ABCB1: variants seen among roughly 807,000 people sequenced by gnomAD.
ABCB1 encodes the protein ATP-dependent translocase ABCB1.
ABCB1 carries 69 observed loss-of-function variants against 142.0 expected under a neutral mutation model. The observed-to-expected ratio is 0.49, with a 90% CI of 0.40 to 0.59. The LOEUF (loss-of-function observed/expected upper bound fraction) is 0.59. Ranked by LOEUF, ABCB1 falls within the 20% of genes least tolerant of loss-of-function variation. The probability of loss-of-function intolerance (pLI) is 0.00; values close to 1 mark genes in which losing one functional copy is unlikely to be tolerated. For missense variants in ABCB1, 1,326 were observed against 1,554.7 expected (o/e 0.85, Z 2.47); for synonymous variants, 532 against 539.2 (o/e 0.99, Z 0.18).
chr7:87,519,604 C>G (rs1254080311), intron 22 of ABCB1, 138 bp from the exon 23 acceptor site: 3 of 953,170 alleles, frequency 3.1e-6, no homozygotes, highest in Non-Finnish European at 4.9e-6. Flanking sequence ...AAGTTTGGTC[C>G]TCACTTTACA....
chr7:87,565,559 T>G (rs1177923223), intron 7 of ABCB1: 16 of 408,438 alleles, frequency 3.9e-5, no homozygotes, highest in African/African-American at 2.1e-4. Context: ...AACCAAAAAT[T>G]TAACTGTGTT....
chr7:87,700,779 G>C (rs1828962202), intron 1 of ABCB1, among the ~76,000 whole-genome samples: 1 of 152,060 alleles, frequency 6.6e-6, no homozygotes, highest in Admixed American at 6.5e-5. Flanking sequence ...TTCTTTAATG[G>C]GTACAAAATG....
chr7:87,665,275 T>C (rs1825111691), intron 1 of ABCB1, among the ~76,000 whole-genome samples: 1 of 152,096 alleles, frequency 6.6e-6, no homozygotes, highest in Admixed American at 6.6e-5. Flanking sequence ...CAAAAATAAG[T>C]TACATTTTTA....
intron 1 of ABCB1, among the ~76,000 whole-genome samples, chr7:87,671,845 A>G (rs1476635236): frequency 1.3e-5 from 2 of 152,174 alleles, no homozygotes; most frequent in East Asian, 3.9e-4. Flanking sequence ...AACAGCAAAG[A>G]TGGTGCCTGC....
At chr7:87,676,145 T>G (rs564642515) in intron 1 of ABCB1, among the ~76,000 whole-genome samples, 45 of 152,258 alleles carry the variant, frequency 3.0e-4, no homozygotes, top group Non-Finnish European at 5.4e-4. Context: ...GAGGGTTGGT[T>G]GAACCCAGGA....
chr7:87,663,798 T>C lies in ABCB1; in HGVS notation c.-331+49363A>G, dbSNP rs535062282. The stretch of plus-strand genomic sequence containing the variant: ...GGATGAGAAGTCCAAGATCAAGATA[T>C]TGGCTGATTTGCTTTCTGGCAAGCA... On this transcript the variant is annotated intron_variant, in intron 1 of 28. Transcript: ENST00000265724. 3.9e-5 allele frequency among the ~76,000 whole-genome samples: 6 copies of C among 152,242 alleles called. No individual in the cohort carries two copies. The East Asian group carries it at 9.7e-4, about 25-fold the overall frequency.
intron 1 of ABCB1, among the ~76,000 whole-genome samples, chr7:87,697,895 C>T (rs1828637573): frequency 6.6e-6 from 1 of 152,064 alleles, no homozygotes; most frequent in Non-Finnish European, 1.5e-5. Flanking sequence ...ATGTTCTTAA[C>T]CACCAGTCAC....
chr7:87,505,855 A>T, intron 27 of ABCB1, 42 bp downstream of exon 27: 1 of 1,611,116 alleles, frequency 6.2e-7, no homozygotes, highest in Non-Finnish European at 8.5e-7. Flanking sequence ...ATTTTTAAGG[A>T]TGACTGATTC....
intron 1 of ABCB1, among the ~76,000 whole-genome samples, chr7:87,655,547 G>T (rs907419082): frequency 1.3e-5 from 2 of 152,128 alleles, no homozygotes; most frequent in Non-Finnish European, 2.9e-5. Context: ...GAGTAGAATG[G>T]TGGTTACCGT....
chr7:87,589,431 C>T (rs181270788), intron 3 of ABCB1, among the ~76,000 whole-genome samples: 1 of 152,134 alleles, frequency 6.6e-6, no homozygotes, highest in African/African-American at 2.4e-5. Flanking sequence ...GACCAAAAAA[C>T]GTTGTAACAC....
At chr7:87,688,157 A>G (rs1369801162) in intron 1 of ABCB1, among the ~76,000 whole-genome samples, 1 of 152,168 alleles carries the variant, frequency 6.6e-6, no homozygotes, top group East Asian at 1.9e-4. Context: ...AATTCAGGAA[A>G]GGTGAAGCAG....
rs1419215459 is a variant in ABCB1, at chr7:87,520,946, AACAG to A, written c.2686-74_2686-71del. 3.2e-5 allele frequency: 36 copies of A among 1,139,946 alleles called. No homozygotes were observed. The East Asian group carries it at 8.7e-4, about 27-fold the overall frequency. The allele number at this position is 1,139,946 out of a possible 1,614,324, so 70.6% of individuals were successfully genotyped here. On this transcript the variant is annotated intron_variant, in intron 21 of 27. Coordinates refer to ENST00000622132, the MANE Select transcript of ABCB1 (RefSeq NM_001348946.2). ...GTGGTGATTAATTTGAATTCTATAA[AACAG>A]ACTAATGAAAATAATTTTATGATTA...
At chr7:87,682,577 T>C (rs904547328) in intron 1 of ABCB1, among the ~76,000 whole-genome samples, 6 of 152,194 alleles carry the variant, frequency 3.9e-5, no homozygotes, top group African/African-American at 1.4e-4. Flanking sequence ...AGTTCTTGGG[T>C]GACTAGGTGC....
At chr7:87,553,202 G>A (rs78797767) in intron 9 of ABCB1, among the ~76,000 whole-genome samples, 3 of 151,834 alleles carry the variant, frequency 2.0e-5, no homozygotes, top group African/African-American at 7.3e-5. Context: ...ATGCTATTGA[G>A]ATTGCTAACG....
chr7:87,597,481 G>GA (rs968403581), intron 2 of ABCB1, among the ~76,000 whole-genome samples: 15 of 149,330 alleles, frequency 1.0e-4, no homozygotes, highest in African/African-American at 1.5e-4. Context: ...TCTCTAATTT[G>GA]AAAAAAAAAG....
In ABCB1 at chr7:87,541,435, T is replaced by C. The variant is rs201302701; in HGVS notation, c.2241A>G (p.Thr747=). 6.2e-7 allele frequency: 1 copy of C among 1,609,388 alleles called. No homozygotes were observed. The highest frequency in any genetic ancestry group is 2.2e-5 in the East Asian group (1 of 44,850). The change falls in exon 18 of 28, where the codon ACA becomes ACG. Residue 747 remains threonine, a synonymous_variant. Transcript: ENST00000622132. ...GVFTRIDDPE[T]KRQNSNLFSL... ...AAAACAAGTTACTATTCTGTCGTTTTGTTTCAGGATCATCAATTCTTGTAA... is the reference window on the plus strand; with the variant it reads ...AAAACAAGTTACTATTCTGTCGTTTCGTTTCAGGATCATCAATTCTTGTAA...
chr7:87,645,392 C>T (rs1382914084), intron 1 of ABCB1, among the ~76,000 whole-genome samples: 4 of 152,030 alleles, frequency 2.6e-5, no homozygotes, highest in Admixed American at 6.6e-5. Flanking sequence ...CCCATTGTTT[C>T]TCATTTCTAA....
rs745613481 is a variant in ABCB1, at chr7:87,509,298, C to T, written c.3466G>A (p.Ala1156Thr). The change falls in exon 26 of 28, where the codon GCC becomes ACC. Residue 1156 changes from alanine (A) to threonine (T), a missense_variant. Transcript: ENST00000622132. ...ACATTAGGCAGTGACTCGATGAAGG[C>T]ATGTATGTTGGCCTCCTTTGCTGCC... The part of the protein sequence containing the change: ...VRAAKEANIH[A>T]FIESLPNKYS... The T allele has an allele frequency of 6.2e-7, 1 of 1,614,066 alleles. No individual in the cohort carries two copies. Among genetic ancestry groups the T allele is most frequent in the Non-Finnish European group, 8.5e-7 (1 of 1,180,046 alleles).
chr7:87,504,514 A>G (rs1372705130), intron 27 of ABCB1, 65 bp from the exon 28 acceptor site: 12 of 1,591,794 alleles, frequency 7.5e-6, no homozygotes, highest in Non-Finnish European at 9.4e-6. Context: ...CTTCCATAAA[A>G]AGCTCCACAG....
Sources: allele counts gnomAD v4.1 joint callset (sites outside exome capture counted in the v4.1 genomes callset), GRCh38; gene constraint gnomAD v4.1.1; transcripts MANE v1.5; gene names NCBI Gene and HGNC (gene_info 2026-07-23, HGNC 2026-07-21).